Variants in CNTN4 observed in about 807,000 individuals in gnomAD.
CNTN4 encodes contactin 4, also known as contactin-4.
A neutral mutation model predicts 122.5 loss-of-function variants in CNTN4; 77 were observed. The ratio of observed to expected loss-of-function variants is 0.63; its 90% CI spans 0.52 to 0.76. The LOEUF (loss-of-function observed/expected upper bound fraction) is 0.76. Among genes scored for constraint, CNTN4 ranks in the 30% least tolerant of loss-of-function variants. CNTN4 has a pLI of 0.00. For synonymous variants in CNTN4, 512 were observed against 447.0 expected (o/e 1.15, Z -1.83); for missense variants, 1,256 against 1,259.1 (o/e 1.00, Z 0.04).
At chr3:2,291,932 C>G (rs2042150841) in intron 2 of CNTN4, among the ~76,000 whole-genome samples, 1 of 152,008 alleles carries the variant, frequency 6.6e-6, no homozygotes, top group African/African-American at 2.4e-5. Flanking sequence ...GATGGGGTTT[C>G]ACCATATTGG....
intron 2 of CNTN4, among the ~76,000 whole-genome samples, chr3:2,263,369 A>T (rs1431603094): frequency 6.6e-6 from 1 of 152,224 alleles, no homozygotes; most frequent in East Asian, 1.9e-4. Flanking sequence ...AATATGACTC[A>T]AAATGAGACT....
chr3:2,321,838 C>T (rs1350663929), intron 2 of CNTN4, among the ~76,000 whole-genome samples: 7 of 152,000 alleles, frequency 4.6e-5, no homozygotes, highest in Non-Finnish European at 8.8e-5. Context: ...TATTTAGTGA[C>T]ATGATTTGAC....
intron 2 of CNTN4, among the ~76,000 whole-genome samples, chr3:2,151,600 G>A (rs2035497526): frequency 6.6e-6 from 1 of 152,230 alleles, no homozygotes; most frequent in Non-Finnish European, 1.5e-5. Flanking sequence ...AATCCCCAGT[G>A]TAGCAGAATT....
At chr3:2,849,260 T>A (rs1175534113) in intron 7 of CNTN4, among the ~76,000 whole-genome samples, 1 of 152,192 alleles carries the variant, frequency 6.6e-6, no homozygotes, top group Non-Finnish European at 1.5e-5. Flanking sequence ...ATTTGTTGAA[T>A]GAGTAATTTA....
chr3:2,879,908 A>C (rs2093887729), intron 8 of CNTN4, among the ~76,000 whole-genome samples: 2 of 152,296 alleles, frequency 1.3e-5, no homozygotes, highest in South Asian at 4.1e-4. Flanking sequence ...CAAAGGTAGA[A>C]GTTTTTATCA....
intron 3 of CNTN4, among the ~76,000 whole-genome samples, chr3:2,359,181 C>T (rs2045006866): frequency 6.6e-6 from 1 of 152,038 alleles, no homozygotes; most frequent in Non-Finnish European, 1.5e-5. Flanking sequence ...GATTCGATGC[C>T]CCAAAGATAC....
At chr3:2,297,724 G>A (rs775581042) in intron 2 of CNTN4, among the ~76,000 whole-genome samples, 2 of 151,954 alleles carry the variant, frequency 1.3e-5, no homozygotes, top group African/African-American at 2.4e-5. Flanking sequence ...TGTTTGTTTT[G>A]TTTTGTTTTC....
At chr3:2,111,195 G>A (rs1041116487) in intron 2 of CNTN4, among the ~76,000 whole-genome samples, 2 of 152,118 alleles carry the variant, frequency 1.3e-5, no homozygotes, top group African/African-American at 4.8e-5. Flanking sequence ...TATTAAGGTG[G>A]CTGTAATGCT....
At chr3:2,680,971 G>A (rs1032720466) in intron 4 of CNTN4, among the ~76,000 whole-genome samples, 3 of 152,130 alleles carry the variant, frequency 2.0e-5, no homozygotes, top group African/African-American at 7.2e-5. Flanking sequence ...TTTAAACTTG[G>A]ATATGTTATG....
At chr3:2,492,148 G>C (rs2076336779) in intron 3 of CNTN4, among the ~76,000 whole-genome samples, 1 of 152,202 alleles carries the variant, frequency 6.6e-6, no homozygotes, top group Non-Finnish European at 1.5e-5. Context: ...GTTGCCTCCT[G>C]CGTTTCTAGC....
At chr3:2,544,751 C>G (rs1373213147) in intron 3 of CNTN4, among the ~76,000 whole-genome samples, 3 of 150,516 alleles carry the variant, frequency 2.0e-5, no homozygotes, top group African/African-American at 4.9e-5. Context: ...TTACTTGGAT[C>G]TCTGCTCTTT....
chr3:2,927,365 G>A lies in CNTN4; in HGVS notation c.1358+1586G>A, dbSNP rs1383134776. On this transcript the variant is annotated intron_variant, in intron 13 of 24. Transcript: ENST00000418658. ...CCAGCCTGGTGGACCAAGATGCTCT[G>A]GACGTTGCCATTGCAGAAGGAAAAG... is the stretch of plus-strand genomic sequence containing the variant. The A allele has an allele frequency of 1.3e-5, 6 of 454,134 alleles. No individual in the cohort carries two copies. In the Middle Eastern group the frequency reaches 1.6e-3, roughly 123 times the overall value. 28.1% of individuals were successfully genotyped at this position (454,134 alleles called of 1,614,324 possible).
intron 4 of CNTN4, among the ~76,000 whole-genome samples, chr3:2,577,236 C>G (rs2079732920): frequency 1.3e-5 from 2 of 152,206 alleles, no homozygotes; most frequent in South Asian, 4.2e-4. Context: ...CAGCTAATAG[C>G]AGAGAGGCAG....
chr3:2,479,052 A>T (rs1042526423), intron 3 of CNTN4, among the ~76,000 whole-genome samples: 6 of 152,088 alleles, frequency 3.9e-5, no homozygotes, highest in Admixed American at 3.9e-4. Flanking sequence ...TCCCAGCAGG[A>T]CTTTCATCTT....
At chr3:2,455,805 G>C (rs1414264903) in intron 3 of CNTN4, among the ~76,000 whole-genome samples, 2 of 151,982 alleles carry the variant, frequency 1.3e-5, no homozygotes, top group South Asian at 4.1e-4. Context: ...CCAAGTTTTG[G>C]GGGAAAGCTT....
At chr3:2,818,926 C>T (rs931904082) in intron 6 of CNTN4, among the ~76,000 whole-genome samples, 1 of 152,174 alleles carries the variant, frequency 6.6e-6, no homozygotes, top group East Asian at 1.9e-4. Flanking sequence ...GAGACAGTCA[C>T]ACTCTGGGTA....
intron 23 of CNTN4, among the ~76,000 whole-genome samples, chr3:3,050,180 CAAGCATCCA>C (rs1417741010): frequency 6.6e-6 from 1 of 152,102 alleles, no homozygotes; most frequent in African/African-American, 2.4e-5. Flanking sequence ...TTGGAGAGGA[CAAGCATCCA>C]AAGCATAGCA....
At chr3:2,161,443 G>T (rs1216829346) in intron 2 of CNTN4, among the ~76,000 whole-genome samples, 3 of 152,084 alleles carry the variant, frequency 2.0e-5, no homozygotes, top group Non-Finnish European at 4.4e-5. Flanking sequence ...GTAATAGAGT[G>T]GGGGCAGTGG....
At chr3:2,759,627 T>G (rs960214241) in intron 6 of CNTN4, among the ~76,000 whole-genome samples, 1 of 152,128 alleles carries the variant, frequency 6.6e-6, no homozygotes, top group Non-Finnish European at 1.5e-5. Context: ...TTCATTTCTC[T>G]TGGGTATATT....
Sources: gnomAD v4.1 joint callset for allele counts (sites outside exome capture counted in the v4.1 genomes callset) on GRCh38, gnomAD v4.1.1 for gene constraint, MANE v1.5 for transcripts, NCBI Gene and HGNC (gene_info 2026-07-23, HGNC 2026-07-21) for gene names.